Variants in NVL observed in about 807,000 individuals in gnomAD.
NVL encodes nuclear valosin-containing protein-like.
Under a neutral mutation model 110.2 loss-of-function variants are expected in NVL, and 84 were observed. That is an observed-to-expected ratio of 0.76 (90% CI 0.64 to 0.91). The LOEUF (loss-of-function observed/expected upper bound fraction) is 0.91, where lower values mean the gene tolerates loss of function less well. Among genes scored for constraint, NVL ranks in the 40% least tolerant of loss-of-function variants. The pLI, the probability that NVL is intolerant of heterozygous loss-of-function variation, is 0.00. For synonymous variants in NVL, 354 were observed against 361.1 expected (o/e 0.98, Z 0.22); for missense variants, 882 against 1,035.9 (o/e 0.85, Z 2.04).
intron 18 of NVL, among the ~76,000 whole-genome samples, chr1:224,262,722 T>C (rs1016112342): frequency 3.3e-5 from 5 of 151,998 alleles, no homozygotes; most frequent in East Asian, 1.9e-4. Context: ...CTGTATAAAA[T>C]ATGTGATGAA....
intron 19 of NVL, among the ~76,000 whole-genome samples, chr1:224,243,610 G>A (rs1168227496): frequency 6.6e-6 from 1 of 151,422 alleles, no homozygotes. Context: ...ATGGAACAGA[G>A]TAAGGGCTTA....
chr1:224,298,403 G>A (rs954862592), intron 10 of NVL: 1 of 169,624 alleles, frequency 5.9e-6, no homozygotes, highest in South Asian at 1.4e-4. Context: ...CAATGTGTGC[G>A]AGAATCAACG....
rs1381165723 is a variant in NVL at position 224,235,896 on chromosome 1, G to A, written c.2366+610C>T. On this transcript the variant is annotated intron_variant, in intron 20 of 22. Coordinates refer to ENST00000281701, the MANE Select transcript of NVL (RefSeq NM_002533.4). ...TACAGTGAGCCATGATCATGCCACTGTACTCCAGCCTGGGTGAAAGAGGGA... is the reference window on the plus strand; with the variant it reads ...TACAGTGAGCCATGATCATGCCACTATACTCCAGCCTGGGTGAAAGAGGGA... Among the ~76,000 whole-genome samples the A allele has an allele frequency of 2.0e-5, 3 of 149,358 alleles. No homozygotes were observed. In the South Asian group the frequency reaches 6.4e-4, roughly 32 times the overall value.
At chr1:224,311,523 C>A (rs1331701463) in intron 5 of NVL, among the ~76,000 whole-genome samples, 1 of 151,514 alleles carries the variant, frequency 6.6e-6, no homozygotes, top group Non-Finnish European at 1.5e-5. Context: ...TGCATGCCAC[C>A]ATGCCCGGCT....
intron 15 of NVL, among the ~76,000 whole-genome samples, chr1:224,285,012 C>T (rs964913921): frequency 6.6e-6 from 1 of 152,062 alleles, no homozygotes; most frequent in South Asian, 2.1e-4. Context: ...GGATCATTTC[C>T]ATAAATTATA....
At chr1:224,302,959 G>A (rs1016329498) in intron 9 of NVL, 14 of 300,102 alleles carry the variant, frequency 4.7e-5, no homozygotes, top group Non-Finnish European at 8.6e-5. Context: ...TGAGGTGGGA[G>A]GACCACTTGA....
rs765996353 is a variant in NVL at position 224,294,363 on chromosome 1, G to A, written c.1229C>T (p.Thr410Ile). 6.2e-7 allele frequency: 1 copy of A among 1,614,092 alleles called. No homozygotes were observed. The highest frequency in any genetic ancestry group is 8.5e-7 in the Non-Finnish European group (1 of 1,180,026). Residue 410 changes from threonine (T) to isoleucine (I), a missense_variant, in exon 12 of 23, where the codon ACT becomes ATT. Transcript: ENST00000281701. Reference protein sequence around the residue: ...ATARVLVIGATNRPDSLDPAL... With the variant: ...ATARVLVIGAINRPDSLDPAL... Reference sequence around the variant, plus strand: ...AGGGTCTAACGAGTCTGGTCGATTAGTAGCTCCAATAACTAGGACCCGGGC... The same window carrying A: ...AGGGTCTAACGAGTCTGGTCGATTAATAGCTCCAATAACTAGGACCCGGGC...
chr1:224,249,753 G>A (rs1011414990), intron 19 of NVL, among the ~76,000 whole-genome samples: 1 of 151,926 alleles, frequency 6.6e-6, no homozygotes, highest in African/African-American at 2.4e-5. Flanking sequence ...TCAAAAAAAA[G>A]GATAGGGTCT....
chr1:224,259,951 T>C (rs932081746), intron 18 of NVL, among the ~76,000 whole-genome samples: 1 of 152,104 alleles, frequency 6.6e-6, no homozygotes, highest in Admixed American at 6.6e-5. Context: ...ATTACAGGCA[T>C]GAGCCATCGC....
intron 17 of NVL, among the ~76,000 whole-genome samples, chr1:224,273,057 A>C (rs1426600036): frequency 3.2e-5 from 4 of 125,858 alleles, no homozygotes; most frequent in African/African-American, 6.3e-5. Context: ...AAAAACAAAC[A>C]AACAAAAAAA....
chr1:224,240,860 G>C (rs1317330833), intron 19 of NVL, among the ~76,000 whole-genome samples: 1 of 142,766 alleles, frequency 7.0e-6, no homozygotes, highest in Non-Finnish European at 1.5e-5. Context: ...GCATGATCTC[G>C]GCTCACTGCA....
chr1:224,235,566 C>G (rs1423843505), intron 20 of NVL, among the ~76,000 whole-genome samples: 3 of 152,042 alleles, frequency 2.0e-5, no homozygotes, highest in Non-Finnish European at 2.9e-5. Flanking sequence ...CTGCCCCTCA[C>G]CACCCCTGCC....
intron 18 of NVL, among the ~76,000 whole-genome samples, chr1:224,264,153 C>A (rs1260427497): frequency 6.6e-6 from 1 of 152,146 alleles, no homozygotes; most frequent in Non-Finnish European, 1.5e-5. Flanking sequence ...CCAGCCACTC[C>A]AGCTGATAGT....
At chr1:224,321,199 T>C (rs1295068035) in intron 2 of NVL, among the ~76,000 whole-genome samples, 1 of 152,166 alleles carries the variant, frequency 6.6e-6, no homozygotes, top group Non-Finnish European at 1.5e-5. Context: ...GAGCCGAGAT[T>C]GAGCCACTGC....
intron 15 of NVL, 99 bp from the exon 16 acceptor site, chr1:224,281,284 C>CGTGTGTGTGT (rs34156240): frequency 5.1e-5 from 28 of 553,134 alleles, no homozygotes; most frequent in South Asian, 3.8e-4. Context: ...ACTCTGTGTG[C>CGTGTGTGTGT]GTGTGTGTGT....
rs1332580993 is a variant in NVL at position 224,287,825 on chromosome 1, C to T, written c.1744G>A (p.Asp582Asn). ...CTAATGTCTTCCAGGGCACCAATAT[C>T]TGCCCATGTCACATTAGGGACAGTG... ...FVTVPNVTWA[D>N]IGALEDIREE... The change falls in exon 14 of 23, where the codon GAT (aspartate) becomes AAT (asparagine). Residue 582 changes from aspartate to asparagine, a missense_variant. Physicochemically the swap from Asp to Asn is conservative, Grantham distance 23. Transcript: ENST00000281701. The T allele has an allele frequency of 6.2e-7, 1 of 1,614,172 alleles. No homozygotes were observed. The highest frequency in any genetic ancestry group is 1.7e-5 in the Admixed American group (1 of 60,020).
chr1:224,260,666 T>TAATCATAA (rs913987169), intron 18 of NVL, among the ~76,000 whole-genome samples: 4 of 151,800 alleles, frequency 2.6e-5, no homozygotes, highest in African/African-American at 9.7e-5. Flanking sequence ...CTTGCACATC[T>TAATCATAA]AATCATAATT....
intron 1 of NVL, among the ~76,000 whole-genome samples, chr1:224,328,877 A>G (rs1178683097): frequency 6.6e-6 from 1 of 152,140 alleles, no homozygotes; most frequent in East Asian, 1.9e-4. Flanking sequence ...GTACTTCAAG[A>G]TAAAATCTGG....
rs189725995 is a variant in NVL, at chr1:224,247,611, G to A, written c.2289+2601C>T. 1.2e-3 allele frequency among the ~76,000 whole-genome samples: 185 copies of A among 152,116 alleles called. 1 individual carries two copies. Among genetic ancestry groups the A allele is most frequent in the Non-Finnish European group, 2.1e-3 (143 of 67,988 alleles). Reference sequence around the variant, plus strand: ...CTGAATGCGGGAGGTGGAGGTTGCAGTGAACCGAGGTGGCACCACTGCACT... The same window carrying A: ...CTGAATGCGGGAGGTGGAGGTTGCAATGAACCGAGGTGGCACCACTGCACT... On this transcript the variant is annotated intron_variant, in intron 19 of 22. Transcript: ENST00000281701.
Sources: allele counts gnomAD v4.1 joint callset (sites outside exome capture counted in the v4.1 genomes callset), GRCh38; gene constraint gnomAD v4.1.1; transcripts MANE v1.5; gene names NCBI Gene and HGNC (gene_info 2026-07-23, HGNC 2026-07-21).